Variants in GRK5 observed in about 807,000 individuals in gnomAD.
GRK5 encodes the protein G protein-coupled receptor kinase 5, also known as g protein-coupled receptor kinase GRK5.
In GRK5, 40 loss-of-function variants were observed where a neutral mutation model predicts 78.4. That is an observed-to-expected ratio of 0.51 (90% CI 0.40 to 0.66). The LOEUF (loss-of-function observed/expected upper bound fraction) is 0.66, where lower values mean the gene tolerates loss of function less well. Ranked by LOEUF, GRK5 falls within the 30% of genes least tolerant of loss-of-function variation. GRK5 has a pLI of 0.00. For synonymous variants in GRK5, 289 were observed against 296.8 expected, an observed-to-expected ratio of 0.97 and a Z score of 0.27; for missense variants, 598 against 759.9, an observed-to-expected ratio of 0.79 and a Z score of 2.50.
chr10:119,222,768 C>T (rs11198829), intron 1 of GRK5, among the ~76,000 whole-genome samples: 23,992 of 152,244 alleles, frequency 0.16, 2,007 homozygotes, highest in South Asian at 0.21. Flanking sequence ...CCCTTCACTG[C>T]GTGCTGAGGC....
intron 4 of GRK5, among the ~76,000 whole-genome samples, chr10:119,399,367 C>T (rs569639135): frequency 7.2e-5 from 11 of 152,286 alleles, no homozygotes; most frequent in African/African-American, 2.4e-4. Context: ...CCAGATGCAG[C>T]GAAGCAAGGT....
chr10:119,333,591 A>G (rs1400665756), intron 2 of GRK5: 1 of 363,990 alleles, frequency 2.7e-6, no homozygotes, highest in African/African-American at 2.1e-5. Context: ...CCCCATGAGC[A>G]TATTGCTGCA....
intron 1 of GRK5, among the ~76,000 whole-genome samples, chr10:119,282,421 T>G (rs191800668): frequency 1.1e-4 from 16 of 152,302 alleles, no homozygotes. Context: ...CCCCTTTCCT[T>G]GGCAGCCCGT....
At chr10:119,281,752 C>A (rs1226299504) in intron 1 of GRK5, among the ~76,000 whole-genome samples, 1 of 152,186 alleles carries the variant, frequency 6.6e-6, no homozygotes, top group East Asian at 1.9e-4. Flanking sequence ...CGAGCCAGGC[C>A]ATCAAGTCAT....
Position 119,362,342 on chromosome 10 carries a change from T to C in GRK5, c.149-18473T>C, listed in dbSNP as rs1261024513. 2.6e-5 allele frequency among the ~76,000 whole-genome samples: 4 copies of C among 152,246 alleles called. No individual in the cohort carries two copies. The East Asian group carries it at 7.7e-4, about 29-fold the overall frequency. On this transcript the variant is annotated intron_variant, in intron 2 of 15. Coordinates refer to ENST00000392870, the MANE Select transcript of GRK5 (RefSeq NM_005308.3). ...GTGCCTTTGGGGAACCCCAGGACAC[T>C]TGAGTCTGAATGGCCTGATGTGGCT...
chr10:119,421,140 A>G (rs1305608701), intron 4 of GRK5, among the ~76,000 whole-genome samples: 2 of 152,230 alleles, frequency 1.3e-5, no homozygotes, highest in African/African-American at 4.8e-5. Flanking sequence ...TTGCTCACGA[A>G]CAGACAACCA....
At chr10:119,368,836 C>A (rs1851496278) in intron 2 of GRK5, among the ~76,000 whole-genome samples, 1 of 152,250 alleles carries the variant, frequency 6.6e-6, no homozygotes, top group Non-Finnish European at 1.5e-5. Context: ...GCCATGCTGA[C>A]CCTTTCGTTG....
intron 1 of GRK5, among the ~76,000 whole-genome samples, chr10:119,274,854 G>A (rs1262929220): frequency 2.0e-5 from 3 of 152,196 alleles, no homozygotes. Flanking sequence ...GGGTGGCCTG[G>A]GGCACTTGTG....
intron 2 of GRK5, among the ~76,000 whole-genome samples, chr10:119,363,139 G>C (rs1481238827): frequency 6.6e-6 from 1 of 152,140 alleles, no homozygotes; most frequent in Non-Finnish European, 1.5e-5. Flanking sequence ...AAATTATCTG[G>C]GAGTGGTGGC....
intron 2 of GRK5, among the ~76,000 whole-genome samples, chr10:119,330,050 A>G (rs1011176949): frequency 6.6e-5 from 10 of 151,704 alleles, no homozygotes; most frequent in African/African-American, 2.4e-4. Flanking sequence ...TTTAGTAGAG[A>G]CAGGGTTTTG....
chr10:119,230,949 G>C (rs1457189779), intron 1 of GRK5, among the ~76,000 whole-genome samples: 2 of 152,000 alleles, frequency 1.3e-5, no homozygotes, highest in South Asian at 2.1e-4. Flanking sequence ...CAAATGGGCA[G>C]TGGTTCTTGG....
chr10:119,213,551 A>C (rs2133698294), intron 1 of GRK5, among the ~76,000 whole-genome samples: 1 of 152,266 alleles, frequency 6.6e-6, no homozygotes, highest in South Asian at 2.1e-4. Flanking sequence ...TATGGCCTTA[A>C]ATAATAGGGT....
At chr10:119,423,912 C>T (rs1270200592) in intron 5 of GRK5, among the ~76,000 whole-genome samples, 1 of 152,210 alleles carries the variant, frequency 6.6e-6, no homozygotes, top group Non-Finnish European at 1.5e-5. Flanking sequence ...TATTCAGCAC[C>T]ACAGACATCA....
At chr10:119,388,741 G>A (rs1851838517) in intron 3 of GRK5, among the ~76,000 whole-genome samples, 1 of 152,252 alleles carries the variant, frequency 6.6e-6, no homozygotes, top group Non-Finnish European at 1.5e-5. Context: ...GCGATGTGCT[G>A]TTGGCTCAAG....
At position 119,430,039 on chromosome 10, in the gene GRK5, C is replaced by T. The variant is rs1411407714; in HGVS notation, c.534-336C>T. ...GGCACAGCTTCCTTCTGAGTTTCGC[C>T]GCATGATTTGCAGAGAGAGGAGAAC... On this transcript the variant is annotated intron_variant, in intron 6 of 15. Transcript: ENST00000392870. This position sits in a 1 kb window ranked among gnomAD's most constrained non-coding sequence, Gnocchi z 4.5. Among the ~76,000 whole-genome samples, 3 of 152,158 alleles carry T rather than the reference C, an allele frequency of 2.0e-5. No individual in the cohort carries two copies. The highest frequency in any genetic ancestry group is 7.2e-5 in the African/African-American group (3 of 41,428).
At chr10:119,255,192 G>A (rs2133758575) in intron 1 of GRK5, among the ~76,000 whole-genome samples, 1 of 152,280 alleles carries the variant, frequency 6.6e-6, no homozygotes, top group East Asian at 1.9e-4. Flanking sequence ...AGGAGAGAGA[G>A]CTGCTGGGAG....
chr10:119,281,876 T>C (rs1849769494), intron 1 of GRK5, among the ~76,000 whole-genome samples: 1 of 152,210 alleles, frequency 6.6e-6, no homozygotes, highest in South Asian at 2.1e-4. Flanking sequence ...CTAAATCTCT[T>C]ATTTCTAAGA....
At chr10:119,425,171 C>A in intron 6 of GRK5, 86 bp downstream of exon 6, 1 of 976,534 alleles carries the variant, frequency 1.0e-6, no homozygotes, top group Non-Finnish European at 1.6e-6. Context: ...CAGTTACCTC[C>A]CGTGGGCTCA....
At chr10:119,331,214 G>C (rs1355967889) in intron 2 of GRK5, among the ~76,000 whole-genome samples, 2 of 152,244 alleles carry the variant, frequency 1.3e-5, no homozygotes, top group Non-Finnish European at 2.9e-5. Context: ...CCCTGGGATG[G>C]TGTGAGGAAC....
Sources: gnomAD v4.1 joint callset for allele counts (sites outside exome capture counted in the v4.1 genomes callset) on GRCh38, gnomAD v4.1.1 for gene constraint, Gnocchi (gnomAD v3.1) non-coding constraint, MANE v1.5 for transcripts, NCBI Gene and HGNC (gene_info 2026-07-23, HGNC 2026-07-21) for gene names.